FHIT: variants seen among roughly 807,000 people sequenced by gnomAD.
FHIT encodes the protein fragile histidine triad diadenosine triphosphatase.
In FHIT, 19 loss-of-function variants were observed where a neutral mutation model predicts 17.9. The observed-to-expected ratio is 1.06, with a 90% CI of 0.74 to 1.56. The LOEUF is 1.56. Among genes scored for constraint, FHIT ranks in the 40% most tolerant of loss-of-function variants. FHIT has a pLI of 0.00. For synonymous variants in FHIT, 81 were observed against 69.7 expected, an observed-to-expected ratio of 1.16 and a Z score of -0.81; for missense variants, 248 against 189.2, an observed-to-expected ratio of 1.31 and a Z score of -1.82.
At chr3:61,170,379 T>A (rs9871638) in intron 2 of FHIT, among the ~76,000 whole-genome samples, 31,347 of 152,188 alleles carry the variant, frequency 0.21, 3,636 homozygotes, top group East Asian at 0.45. Flanking sequence ...ATCTTTATTT[T>A]AACCTTTATT....
intron 4 of FHIT, among the ~76,000 whole-genome samples, chr3:60,625,201 G>A (rs559048115): frequency 2.6e-4 from 39 of 152,246 alleles, no homozygotes; most frequent in Admixed American, 1.6e-3. Flanking sequence ...GAACGACCAC[G>A]CCTGGCCTTG....
chr3:60,311,250 C>CATGTGTGTGTGTGTGT (rs530233517), intron 5 of FHIT, among the ~76,000 whole-genome samples: 61 of 150,942 alleles, frequency 4.0e-4, no homozygotes, highest in African/African-American at 1.5e-3. Flanking sequence ...TCTACCCCAA[C>CATGTGTGTGTGTGTGT]GTGTGTGTGT....
intron 8 of FHIT, among the ~76,000 whole-genome samples, chr3:59,819,754 C>T (rs567865788): frequency 3.3e-5 from 5 of 152,288 alleles, no homozygotes; most frequent in South Asian, 4.1e-4. Context: ...ATGGATGCTA[C>T]GGTCTGAATG....
chr3:60,386,804 G>C (rs1701028156), intron 5 of FHIT, among the ~76,000 whole-genome samples: 1 of 152,142 alleles, frequency 6.6e-6, no homozygotes, highest in Admixed American at 6.5e-5. Flanking sequence ...ATATGTGGTA[G>C]GTGCTGACCA....
chr3:60,790,013 CAT>C (rs1553728090), intron 4 of FHIT, among the ~76,000 whole-genome samples: 1 of 152,136 alleles, frequency 6.6e-6, no homozygotes, highest in African/African-American at 2.4e-5. Flanking sequence ...TAAATCAATG[CAT>C]GAATTAAAGA....
intron 7 of FHIT, among the ~76,000 whole-genome samples, chr3:60,010,558 T>G (rs1219944598): frequency 6.6e-6 from 1 of 152,240 alleles, no homozygotes; most frequent in Non-Finnish European, 1.5e-5. Context: ...AAACTTTATT[T>G]CAACAAAGTG....
intron 3 of FHIT, among the ~76,000 whole-genome samples, chr3:60,942,981 G>A (rs1708486153): frequency 1.3e-5 from 2 of 152,054 alleles, no homozygotes; most frequent in East Asian, 3.8e-4. Flanking sequence ...AAAAGTATCA[G>A]TTTCTAATCT....
At chr3:61,118,625 C>T (rs996518080) in intron 2 of FHIT, among the ~76,000 whole-genome samples, 2 of 152,152 alleles carry the variant, frequency 1.3e-5, no homozygotes, top group African/African-American at 4.8e-5. Context: ...TACCTGGGCT[C>T]AACCCTCAAC....
At chr3:60,665,601 T>C (rs1553692270) in intron 4 of FHIT, among the ~76,000 whole-genome samples, 1 of 152,000 alleles carries the variant, frequency 6.6e-6, no homozygotes, top group Non-Finnish European at 1.5e-5. Flanking sequence ...TCCTGTTTTT[T>C]TAAAAATTAA....
intron 5 of FHIT, among the ~76,000 whole-genome samples, chr3:60,479,181 AAT>A (rs2033489502): frequency 6.6e-6 from 1 of 152,190 alleles, no homozygotes; most frequent in African/African-American, 2.4e-5. Context: ...GAAGAAAGAA[AAT>A]ATGACTTTGT....
intron 2 of FHIT, among the ~76,000 whole-genome samples, chr3:61,149,270 T>C (rs987184305): frequency 1.3e-5 from 2 of 152,104 alleles, no homozygotes; most frequent in African/African-American, 4.8e-5. Flanking sequence ...AAGGGTTTAC[T>C]TTGGGTACAA....
intron 4 of FHIT, among the ~76,000 whole-genome samples, chr3:60,611,339 C>G (rs2038780233): frequency 6.6e-6 from 1 of 152,086 alleles, no homozygotes; most frequent in African/African-American, 2.4e-5. Flanking sequence ...AACATCGAGC[C>G]AAGTATCACA....
intron 3 of FHIT, among the ~76,000 whole-genome samples, chr3:61,012,829 T>A (rs1011712953): frequency 2.0e-5 from 3 of 151,902 alleles, no homozygotes; most frequent in Non-Finnish European, 4.4e-5. Flanking sequence ...TTTTAAAAAA[T>A]TTAATGTTCT....
intron 5 of FHIT, among the ~76,000 whole-genome samples, chr3:60,453,602 C>A (rs1311710623): frequency 6.6e-6 from 1 of 152,088 alleles, no homozygotes; most frequent in Non-Finnish European, 1.5e-5. Flanking sequence ...CACCATCAGT[C>A]CTGTTTTAAA....
Position 60,344,743 on chromosome 3 carries a change from A to G in FHIT, c.103+192117T>C, listed in dbSNP as rs530813437. Among the ~76,000 whole-genome samples the G allele has an allele frequency of 5.9e-5, 9 of 152,206 alleles. No homozygotes were observed. The East Asian group carries it at 1.7e-3, about 29-fold the overall frequency. On this transcript the variant is annotated intron_variant, in intron 5 of 9. Transcript: ENST00000492590. ...AGTATCTTTCAAGATTTTTTTTTCTAATTGAAAAATAAGCCACACGAAAAC... is the reference window on the plus strand; with the variant it reads ...AGTATCTTTCAAGATTTTTTTTTCTGATTGAAAAATAAGCCACACGAAAAC...
chr3:60,213,414 A>G (rs1431386208), intron 5 of FHIT, among the ~76,000 whole-genome samples: 1 of 152,140 alleles, frequency 6.6e-6, no homozygotes, highest in Non-Finnish European at 1.5e-5. Context: ...TACATGGGAG[A>G]TGCTTCAGCT....
intron 4 of FHIT, among the ~76,000 whole-genome samples, chr3:60,639,117 T>C (rs1217187950): frequency 1.4e-5 from 2 of 147,988 alleles, no homozygotes; most frequent in Admixed American, 6.9e-5. Context: ...AGCTCTATAG[T>C]TAAAGCAACT....
intron 4 of FHIT, among the ~76,000 whole-genome samples, chr3:60,744,268 C>CAAAAAAAAAA (rs374691493): frequency 5.0e-5 from 4 of 80,086 alleles, no homozygotes; most frequent in African/African-American, 9.3e-5. Context: ...CAAAACAAAA[C>CAAAAAAAAAA]AAAAAAAAAA....
chr3:60,563,651 T>A (rs1418745809), intron 4 of FHIT, among the ~76,000 whole-genome samples: 3 of 152,128 alleles, frequency 2.0e-5, no homozygotes, highest in South Asian at 2.1e-4. Context: ...TAGGGAGAGT[T>A]TGAGTGGTCT....
Sources: gnomAD v4.1 joint callset for allele counts (sites outside exome capture counted in the v4.1 genomes callset) on GRCh38, gnomAD v4.1.1 for gene constraint, MANE v1.5 for transcripts, NCBI Gene and HGNC (gene_info 2026-07-23, HGNC 2026-07-21) for gene names.